The following QTMAN variants were observed in gnomAD, a reference collection of about 807,000 sequenced individuals.
The protein encoded by QTMAN is tRNA-queuosine alpha-mannosyltransferase.
At chr2:144,013,903 T>C in the QTMAN span, among the ~76,000 whole-genome samples, 13 of 152,288 alleles carry the variant, frequency 8.5e-5, 1 homozygote, top group East Asian at 5.8e-4. Context: ...CTACCCTACA[T>C]GTGTCCAATA....
chr2:144,235,309 A>C, the QTMAN span, among the ~76,000 whole-genome samples: 1 of 152,108 alleles, frequency 6.6e-6, no homozygotes, highest in East Asian at 1.9e-4. Flanking sequence ...AAAGGCAGCC[A>C]AGCTAACTCA....
the QTMAN span, among the ~76,000 whole-genome samples, chr2:144,308,680 C>G: frequency 6.6e-6 from 1 of 152,026 alleles, no homozygotes; most frequent in Non-Finnish European, 1.5e-5. Context: ...ATTTCTTAGA[C>G]ATTTGCCGGA....
the QTMAN span, among the ~76,000 whole-genome samples, chr2:144,079,061 C>T: frequency 6.6e-6 from 1 of 152,132 alleles, no homozygotes; most frequent in African/African-American, 2.4e-5. Context: ...AAGAGTGTGA[C>T]ATAATCTGAA....
At chr2:144,274,447 G>A in the QTMAN span, among the ~76,000 whole-genome samples, 1 of 152,182 alleles carries the variant, frequency 6.6e-6, no homozygotes, top group East Asian at 1.9e-4. Flanking sequence ...TGTAATTAGT[G>A]GGCTGGAACT....
At chr2:144,155,087 T>C in the QTMAN span, among the ~76,000 whole-genome samples, 1 of 152,202 alleles carries the variant, frequency 6.6e-6, no homozygotes, top group Non-Finnish European at 1.5e-5. Context: ...GCCCCATGGA[T>C]GTGAACACCC....
chr2:144,082,309 T>C, the QTMAN span, among the ~76,000 whole-genome samples: 1 of 152,182 alleles, frequency 6.6e-6, no homozygotes, highest in Non-Finnish European at 1.5e-5. Context: ...TCAGTGCTCG[T>C]GTGGATGCAT....
At chr2:144,158,731 CA>C in the QTMAN span, among the ~76,000 whole-genome samples, 2 of 151,784 alleles carry the variant, frequency 1.3e-5, no homozygotes, top group African/African-American at 4.8e-5. Context: ...ATTGTATGTG[CA>C]AAAAAAGTCA....
chr2:144,208,044 G>A, the QTMAN span, among the ~76,000 whole-genome samples: 1 of 152,022 alleles, frequency 6.6e-6, no homozygotes. Flanking sequence ...GGTCCTCCTA[G>A]TTCCTACTTC....
At chr2:144,165,517 A>G in the QTMAN span, among the ~76,000 whole-genome samples, 15 of 152,326 alleles carry the variant, frequency 9.8e-5, 1 homozygote, top group South Asian at 2.9e-3. Flanking sequence ...TTCTGACACT[A>G]AAGAGATGCT....
At chr2:143,973,650 A>G in the QTMAN span, among the ~76,000 whole-genome samples, 2 of 152,116 alleles carry the variant, frequency 1.3e-5, no homozygotes, top group African/African-American at 2.4e-5. Flanking sequence ...TTAGCCGGGC[A>G]TGGTGGCGCA....
At chr2:144,074,169 T>C in the QTMAN span, among the ~76,000 whole-genome samples, 1 of 152,158 alleles carries the variant, frequency 6.6e-6, no homozygotes, top group African/African-American at 2.4e-5. Context: ...AATTATAAAA[T>C]TGCATGAGTT....
chr2:144,291,793 T>C, the QTMAN span, among the ~76,000 whole-genome samples: 1 of 152,190 alleles, frequency 6.6e-6, no homozygotes, highest in Non-Finnish European at 1.5e-5. Context: ...CAGTCCTATT[T>C]TTACTACCAC....
At chr2:144,013,138 T>G in the QTMAN span, among the ~76,000 whole-genome samples, 1 of 152,172 alleles carries the variant, frequency 6.6e-6, no homozygotes, top group Non-Finnish European at 1.5e-5. Flanking sequence ...AAGTTAAACA[T>G]TTCTTTACTA....
the QTMAN span, among the ~76,000 whole-genome samples, chr2:144,315,174 C>A: frequency 6.6e-6 from 1 of 152,154 alleles, no homozygotes; most frequent in Non-Finnish European, 1.5e-5. Flanking sequence ...CATGAGCCAT[C>A]GCATCCGGCC....
chr2:144,218,220 G>A, the QTMAN span, among the ~76,000 whole-genome samples: 2 of 152,174 alleles, frequency 1.3e-5, no homozygotes, highest in African/African-American at 4.8e-5. Context: ...TGTACAGATT[G>A]TATTACCATG....
At chr2:144,161,042 T>C in the QTMAN span, among the ~76,000 whole-genome samples, 1 of 152,096 alleles carries the variant, frequency 6.6e-6, no homozygotes, top group African/African-American at 2.4e-5. Context: ...AGAGTGATAA[T>C]AATTTGGGAC....
chr2:144,242,995 G>A, the QTMAN span, among the ~76,000 whole-genome samples: 1 of 136,450 alleles, frequency 7.3e-6, no homozygotes, highest in Non-Finnish European at 1.5e-5. Context: ...AGAGTATTCT[G>A]CCTATACTAC....
the QTMAN span, among the ~76,000 whole-genome samples, chr2:143,973,282 G>A: frequency 3.4e-3 from 519 of 152,230 alleles, 4 homozygotes; most frequent in South Asian, 0.011. Context: ...AGAATGCATG[G>A]AAGGGGGAAT....
At chr2:144,197,244 C>A in the QTMAN span, among the ~76,000 whole-genome samples, 1 of 151,958 alleles carries the variant, frequency 6.6e-6, no homozygotes, top group African/African-American at 2.4e-5. Flanking sequence ...ACCACCATTG[C>A]ACATGCAATC....
Sources: allele counts gnomAD v4.1 joint callset (sites outside exome capture counted in the v4.1 genomes callset), GRCh38; gene constraint gnomAD v4.1.1; transcripts MANE v1.5; gene names NCBI Gene and HGNC (gene_info 2026-07-23, HGNC 2026-07-21).